Variants in ABCC11 observed in about 807,000 individuals in gnomAD.
ABCC11 encodes the protein ATP-binding cassette sub-family C member 11.
Under a neutral mutation model 149.3 loss-of-function variants are expected in ABCC11, and 135 were observed. The ratio of observed to expected loss-of-function variants is 0.90; its 90% CI spans 0.79 to 1.04. The LOEUF (loss-of-function observed/expected upper bound fraction) is 1.04, where lower values mean the gene tolerates loss of function less well. ABCC11 is among the 50% of genes least tolerant of loss of function. ABCC11 has a pLI of 0.00. For missense variants in ABCC11, 1,680 were observed against 1,722.1 expected (o/e 0.98, Z 0.43); for synonymous variants, 665 against 671.4 (o/e 0.99, Z 0.15).
chr16:48,231,741 ATTGT>A, intron 2 of ABCC11, 78 bp downstream of exon 2: 2 of 1,543,032 alleles, frequency 1.3e-6, no homozygotes, highest in South Asian at 1.2e-5. Flanking sequence ...ATGGGAAGAA[ATTGT>A]TTGACGTAAT....
chr16:48,232,470 C>T (rs1405449075), intron 1 of ABCC11, among the ~76,000 whole-genome samples: 3 of 152,136 alleles, frequency 2.0e-5, no homozygotes, highest in Admixed American at 2.0e-4. Context: ...ACATCATTTT[C>T]CCTGCTTTCA....
intron 4 of ABCC11, among the ~76,000 whole-genome samples, chr16:48,226,914 A>C (rs1262230641): frequency 6.6e-6 from 1 of 152,092 alleles, no homozygotes; most frequent in African/African-American, 2.4e-5. Flanking sequence ...ACATTTGGAA[A>C]CTCATTTTCC....
chr16:48,233,725 C>T (rs1970545726), intron 1 of ABCC11, among the ~76,000 whole-genome samples: 1 of 152,210 alleles, frequency 6.6e-6, no homozygotes, highest in African/African-American at 2.4e-5. Flanking sequence ...TTTCAGAGTG[C>T]AAGTCTCATA....
chr16:48,244,305 T>G, intron 1 of ABCC11: 15 of 1,030,826 alleles, frequency 1.5e-5, no homozygotes, highest in Non-Finnish European at 1.7e-5. Flanking sequence ...GAGGCGGGTC[T>G]GAGGTTTGGT....
intron 6 of ABCC11, among the ~76,000 whole-genome samples, chr16:48,218,457 A>T (rs1164429918): frequency 6.6e-6 from 1 of 152,232 alleles, no homozygotes; most frequent in East Asian, 1.9e-4. Context: ...AATGGAAATA[A>T]TAATACAACC....
intron 23 of ABCC11, among the ~76,000 whole-genome samples, chr16:48,180,823 A>G (rs1010167122): frequency 2.0e-5 from 3 of 152,204 alleles, no homozygotes; most frequent in Admixed American, 6.5e-5. Flanking sequence ...GAGAGTGTGG[A>G]AGGTGACTTG....
chr16:48,207,808 G>A (rs1457507747), intron 12 of ABCC11, among the ~76,000 whole-genome samples: 2 of 152,144 alleles, frequency 1.3e-5, no homozygotes, highest in African/African-American at 4.8e-5. Context: ...ACAGGGGATG[G>A]AATGGGGGGT....
intron 6 of ABCC11, among the ~76,000 whole-genome samples, chr16:48,217,702 AT>A (rs1969443704): frequency 6.6e-6 from 1 of 152,190 alleles, no homozygotes; most frequent in South Asian, 2.1e-4. Context: ...TTACAAAGTG[AT>A]TTGCTTTTAA....
chr16:48,194,630 G>T (rs1230313600), intron 18 of ABCC11, among the ~76,000 whole-genome samples: 1 of 152,152 alleles, frequency 6.6e-6, no homozygotes, highest in African/African-American at 2.4e-5. Flanking sequence ...CTCATGAGTG[G>T]CATTAATGCC....
rs888971171 is a variant in ABCC11, at chr16:48,170,086, A to G, written c.3891+19T>C. On this transcript the variant is annotated intron_variant, in intron 28 of 29. Transcript: ENST00000356608. Reference sequence around the variant, plus strand: ...GTAGTCTGTGGCTTCCCCTGGCCACACGGCAGTGGTGGCCTCACCTTGGAG... The same window carrying G: ...GTAGTCTGTGGCTTCCCCTGGCCACGCGGCAGTGGTGGCCTCACCTTGGAG... The G allele has an allele frequency of 1.9e-6, 3 of 1,599,504 alleles. No homozygotes were observed. Among genetic ancestry groups the G allele is most frequent in the African/African-American group, 2.7e-5 (2 of 74,516 alleles).
intron 6 of ABCC11, among the ~76,000 whole-genome samples, chr16:48,218,588 G>C (rs924442888): frequency 6.6e-6 from 1 of 152,168 alleles, no homozygotes; most frequent in African/African-American, 2.4e-5. Flanking sequence ...GATATGGTTT[G>C]GCTGGGTTCC....
chr16:48,168,808 C>A (rs1206877342), intron 28 of ABCC11, among the ~76,000 whole-genome samples: 1 of 152,170 alleles, frequency 6.6e-6, no homozygotes, highest in African/African-American at 2.4e-5. Flanking sequence ...CCAAACACTG[C>A]ATGTTCTCAT....
intron 4 of ABCC11, among the ~76,000 whole-genome samples, chr16:48,226,785 A>G (rs1424625970): frequency 6.6e-6 from 1 of 152,122 alleles, no homozygotes; most frequent in Non-Finnish European, 1.5e-5. Context: ...TGTGCCTTCA[A>G]TGTGTTAAGT....
chr16:48,228,753 C>T (rs1970244960), intron 3 of ABCC11, among the ~76,000 whole-genome samples: 1 of 152,042 alleles, frequency 6.6e-6, no homozygotes, highest in African/African-American at 2.4e-5. Context: ...AAGAGAGGTC[C>T]TCAAGGCTTT....
intron 4 of ABCC11, among the ~76,000 whole-genome samples, chr16:48,225,564 T>TA (rs1376843236): frequency 6.6e-6 from 1 of 152,144 alleles, no homozygotes; most frequent in Non-Finnish European, 1.5e-5. Flanking sequence ...AACTGGTCAC[T>TA]AGACCTAAGG....
chr16:48,210,574 G>A (rs8051205), intron 11 of ABCC11: 61 of 195,110 alleles, frequency 3.1e-4, no homozygotes, highest in Middle Eastern at 2.0e-3. Context: ...ACCAGATAAG[G>A]TGAGTTCACA....
At chr16:48,221,003 G>A (rs1056642664) in intron 6 of ABCC11, among the ~76,000 whole-genome samples, 8 of 152,208 alleles carry the variant, frequency 5.3e-5, no homozygotes, top group Non-Finnish European at 1.0e-4. Context: ...TCACGGAGGA[G>A]AGGAAAAATA....
chr16:48,236,911 T>C (rs915069466), intron 1 of ABCC11, among the ~76,000 whole-genome samples: 1 of 152,226 alleles, frequency 6.6e-6, no homozygotes, highest in Non-Finnish European at 1.5e-5. Context: ...GGCACATGTA[T>C]GTATTAGGCC....
chr16:48,234,407 T>C (rs11861379), intron 1 of ABCC11, among the ~76,000 whole-genome samples: 19,918 of 152,218 alleles, frequency 0.13, 1,621 homozygotes, highest in African/African-American at 0.23. Flanking sequence ...TTAGCAGCTA[T>C]GCTCTCAAAG....
Sources: allele counts gnomAD v4.1 joint callset (sites outside exome capture counted in the v4.1 genomes callset), GRCh38; gene constraint gnomAD v4.1.1; transcripts MANE v1.5; gene names NCBI Gene and HGNC (gene_info 2026-07-23, HGNC 2026-07-21).